NCOR1: variants seen among roughly 807,000 people sequenced by gnomAD.
The protein encoded by NCOR1 is protein phosphatase 1, regulatory subunit 109.
Under a neutral mutation model 288.1 loss-of-function variants are expected in NCOR1, and 63 were observed. That is an observed-to-expected ratio of 0.22 (90% confidence interval 0.18 to 0.27). The LOEUF is 0.27. Ranked by LOEUF, NCOR1 falls within the 10% of genes least tolerant of loss-of-function variation. NCOR1 has a pLI of 1.00. For missense variants in NCOR1, 2,397 were observed against 3,019.2 expected (o/e 0.79, Z 4.83); for synonymous variants, 1,007 against 1,065.9 (o/e 0.94, Z 1.08).
At chr17:16,136,806 CAAAA>C (rs60523446) in intron 14 of NCOR1, among the ~76,000 whole-genome samples, 3 of 111,812 alleles carry the variant, frequency 2.7e-5, no homozygotes, top group African/African-American at 1.1e-4. Context: ...GACTCTGTTT[CAAAA>C]AAAAAAAAAA....
At chr17:16,098,618 C>T in intron 20 of NCOR1, 122 bp from the exon 21 acceptor site, 2 of 755,738 alleles carry the variant, frequency 2.6e-6, no homozygotes, top group Non-Finnish European at 4.1e-6. Context: ...CATGGACACA[C>T]ATATATTAAC....
At chr17:16,103,228 T>A (rs901910462) in intron 19 of NCOR1, among the ~76,000 whole-genome samples, 2 of 152,156 alleles carry the variant, frequency 1.3e-5, no homozygotes, top group East Asian at 3.8e-4. Context: ...CAAGAAGTCA[T>A]CTTTTAAACC....
At chr17:16,141,461 C>T (rs991908830) in intron 11 of NCOR1, among the ~76,000 whole-genome samples, 1 of 152,074 alleles carries the variant, frequency 6.6e-6, no homozygotes, top group East Asian at 1.9e-4. Flanking sequence ...TAGTTCTATA[C>T]CTCCTCCAGG....
intron 11 of NCOR1, among the ~76,000 whole-genome samples, chr17:16,141,295 A>C (rs559732557): frequency 8.5e-5 from 13 of 152,298 alleles, no homozygotes; most frequent in African/African-American, 2.9e-4. Context: ...TATGTATTTC[A>C]ATGCACCAAA....
chr17:16,030,412 T>C lies in NCOR1; in HGVS notation c.*1884A>G, dbSNP rs1375813077. On this transcript the variant is annotated 3_prime_UTR_variant, in exon 46 of 46. Coordinates refer to ENST00000268712, the MANE Select transcript of NCOR1 (RefSeq NM_006311.4). ...GAATAGCTTAAGACCCTCAGGGTCA[T>C]AGAAAAATACCATCATAATCTCTTT... 1.9e-5 allele frequency: 4 copies of C among 211,786 alleles called. No homozygotes were observed. Among genetic ancestry groups the C allele is most frequent in the Non-Finnish European group, 3.8e-5 (4 of 104,608 alleles). 13.1% of individuals were successfully genotyped at this position (211,786 alleles called of 1,614,324 possible). A position where few individuals can be genotyped will look rare whatever the true frequency, so the allele number is the denominator to read the frequency against.
At chr17:16,135,344 C>G (rs1480673978) in intron 14 of NCOR1, among the ~76,000 whole-genome samples, 1 of 151,882 alleles carries the variant, frequency 6.6e-6, no homozygotes, top group Non-Finnish European at 1.5e-5. Flanking sequence ...ACTGTCAACA[C>G]TCAATTTATT....
intron 17 of NCOR1, 86 bp from the exon 18 acceptor site, chr17:16,118,113 T>C: frequency 7.3e-7 from 1 of 1,368,900 alleles, no homozygotes; most frequent in Non-Finnish European, 1.0e-6. Context: ...TTAATCACTG[T>C]ATTCACAACC....
chr17:16,097,782 G>A (rs1310830643), intron 21 of NCOR1, among the ~76,000 whole-genome samples: 1 of 152,174 alleles, frequency 6.6e-6, no homozygotes, highest in East Asian at 1.9e-4. Flanking sequence ...GGAATCCCCA[G>A]TCTGCAGCCT....
Position 16,032,160 on chromosome 17 carries a change from C to T in NCOR1, c.*136G>A, listed in dbSNP as rs1168132424. ...AAATGAACTTCCATCATTTCTTCAT[C>T]ATCTGTGGGCTGGCTCTCCTGAAAA... On this transcript the variant is annotated 3_prime_UTR_variant, in exon 46 of 46. Transcript: ENST00000268712. 1.2e-5 allele frequency: 10 copies of T among 852,594 alleles called. No individual in the cohort carries two copies. The highest frequency in any genetic ancestry group is 1.7e-5 in the Non-Finnish European group (10 of 592,234). The allele number at this position is 852,594 out of a possible 1,614,324, so 52.8% of individuals were successfully genotyped here.
chr17:16,130,341 A>G (rs1351089041), intron 14 of NCOR1, among the ~76,000 whole-genome samples: 7 of 152,194 alleles, frequency 4.6e-5, no homozygotes. Flanking sequence ...CAGTCAATCC[A>G]CATGGTCTAG....
At chr17:16,206,449 G>C (rs2091519064) in intron 1 of NCOR1, among the ~76,000 whole-genome samples, 2 of 152,062 alleles carry the variant, frequency 1.3e-5, no homozygotes, top group Admixed American at 6.6e-5. Context: ...CCAGTGGCAT[G>C]ATCTCAGCTC....
intron 27 of NCOR1, among the ~76,000 whole-genome samples, chr17:16,074,554 G>C (rs1265991082): frequency 6.6e-6 from 1 of 152,140 alleles, no homozygotes; most frequent in Non-Finnish European, 1.5e-5. Context: ...GTAAAGGAGA[G>C]TGAAATAAGA....
chr17:16,062,948 C>T (rs1033311288), intron 35 of NCOR1, among the ~76,000 whole-genome samples: 1 of 152,210 alleles, frequency 6.6e-6, no homozygotes, highest in Non-Finnish European at 1.5e-5. Context: ...CTACTTCACG[C>T]AGAGGATTCT....
chr17:16,099,916 CA>C (rs2067292825), intron 20 of NCOR1, among the ~76,000 whole-genome samples: 1 of 152,008 alleles, frequency 6.6e-6, no homozygotes, highest in Admixed American at 6.5e-5. Flanking sequence ...TATAATGCTC[CA>C]TATTATTATT....
chr17:16,056,306 A>ATTTTT (rs2059910312), intron 40 of NCOR1, among the ~76,000 whole-genome samples: 2 of 73,080 alleles, frequency 2.7e-5, no homozygotes, highest in Admixed American at 1.4e-4. Flanking sequence ...CATTCTTTTT[A>ATTTTT]TCTTTTTTTT....
chr17:16,052,500 AAAAG>A (rs1000465133), intron 40 of NCOR1, among the ~76,000 whole-genome samples: 1 of 152,210 alleles, frequency 6.6e-6, no homozygotes, highest in African/African-American at 2.4e-5. Context: ...TAGGAAATCT[AAAAG>A]AAATGGATAA....
In NCOR1 at chr17:16,071,461, G is replaced by C. The variant is rs1272600831; in HGVS notation, c.4100C>G (p.Thr1367Ser). The C allele has an allele frequency of 1.2e-6, 2 of 1,614,082 alleles. No individual in the cohort carries two copies. The highest frequency in any genetic ancestry group is 1.7e-6 in the Non-Finnish European group (2 of 1,180,038). ...CCGTGTGCTCTGGACCACTTCTGGA[G>C]TTTTCCGACTTTCCTGAGTTAAAAT... ...QDILTQESRKTPEVVQSTRPI... is the reference protein window; with the variant it reads ...QDILTQESRKSPEVVQSTRPI... Residue 1367 changes from threonine to serine, a missense_variant, in exon 30 of 46, where the codon ACT becomes AGT. Physicochemically the swap from Thr to Ser is moderately conservative, Grantham distance 58. Around this residue, in one of 11 missense-constraint regions of NCOR1, gnomAD observed 1,872 missense variants for 2,187.8 expected, o/e 0.86. Transcript: ENST00000268712.
At chr17:16,167,859 C>CA (rs71299856) in intron 4 of NCOR1, among the ~76,000 whole-genome samples, 2,747 of 62,508 alleles carry the variant, frequency 0.044, 159 homozygotes, top group East Asian at 0.11. Flanking sequence ...GACTCCATCT[C>CA]AAAAAAAAAA....
At chr17:16,138,415 T>A (rs996874135) in intron 12 of NCOR1, among the ~76,000 whole-genome samples, 1 of 152,058 alleles carries the variant, frequency 6.6e-6, no homozygotes, top group African/African-American at 2.4e-5. Context: ...CAGAACCCCA[T>A]CTCTACTAAA....
Sources: allele counts gnomAD v4.1 joint callset (sites outside exome capture counted in the v4.1 genomes callset), GRCh38; gene constraint gnomAD v4.1.1; regional missense constraint gnomAD v4.1.1; transcripts MANE v1.5; gene names NCBI Gene and HGNC (gene_info 2026-07-23, HGNC 2026-07-21).